The following HEMK2 variants were observed in gnomAD, a reference collection of about 807,000 sequenced individuals.
HEMK2 encodes methyltransferase HEMK2.
the HEMK2 span, among the ~76,000 whole-genome samples, chr21:28,735,108 C>G: frequency 6.6e-6 from 1 of 152,168 alleles, no homozygotes; most frequent in African/African-American, 2.4e-5. Flanking sequence ...TGCCAAGGTT[C>G]CAAGAGAGAG....
At chr21:28,662,273 A>G in the HEMK2 span, among the ~76,000 whole-genome samples, 1 of 152,294 alleles carries the variant, frequency 6.6e-6, no homozygotes, top group East Asian at 1.9e-4. Context: ...GCTGCTGCCA[A>G]GCTGAAGGAA....
chr21:28,652,091 A>C, the HEMK2 span, among the ~76,000 whole-genome samples: 1 of 152,216 alleles, frequency 6.6e-6, no homozygotes, highest in African/African-American at 2.4e-5. Flanking sequence ...AGAATTATTC[A>C]CACCATATTT....
At chr21:28,716,922 A>G in the HEMK2 span, among the ~76,000 whole-genome samples, 1 of 152,124 alleles carries the variant, frequency 6.6e-6, no homozygotes, top group Non-Finnish European at 1.5e-5. Context: ...AATCACATTT[A>G]TTGATTTGTG....
At chr21:28,745,737 C>A in the HEMK2 span, among the ~76,000 whole-genome samples, 1 of 152,160 alleles carries the variant, frequency 6.6e-6, no homozygotes, top group South Asian at 2.1e-4. Context: ...TATAACACAC[C>A]CCTTCCCAAC....
the HEMK2 span, among the ~76,000 whole-genome samples, chr21:28,729,302 G>C: frequency 2.2e-3 from 340 of 152,286 alleles, 2 homozygotes; most frequent in African/African-American, 7.7e-3. Context: ...TCTAGGCCTT[G>C]AATGGGAGGG....
At chr21:28,599,055 C>T in the HEMK2 span, among the ~76,000 whole-genome samples, 1 of 152,182 alleles carries the variant, frequency 6.6e-6, no homozygotes, top group Admixed American at 6.5e-5. Context: ...GTTTAGTCTG[C>T]ACTATGGAGC....
chr21:28,577,054 A>C, the HEMK2 span, among the ~76,000 whole-genome samples: 1 of 152,180 alleles, frequency 6.6e-6, no homozygotes, highest in Non-Finnish European at 1.5e-5. Flanking sequence ...ATTTCTGTGA[A>C]CCATTACCTT....
At chr21:28,613,619 CTTTTTTTTTTTTTTT>C in the HEMK2 span, among the ~76,000 whole-genome samples, 13 of 82,702 alleles carry the variant, frequency 1.6e-4, no homozygotes, top group African/African-American at 6.2e-4. Flanking sequence ...TCTGCATATT[CTTTTTTTTTTTTTTT>C]TTTTTTTTTT....
chr21:28,769,778 A>G, the HEMK2 span, among the ~76,000 whole-genome samples: 1 of 152,116 alleles, frequency 6.6e-6, no homozygotes, highest in Non-Finnish European at 1.5e-5. Flanking sequence ...TATCTTGGAA[A>G]GTTTTAGCTG....
the HEMK2 span, among the ~76,000 whole-genome samples, chr21:28,608,213 C>T: frequency 6.6e-6 from 1 of 152,116 alleles, no homozygotes; most frequent in South Asian, 2.1e-4. Flanking sequence ...GATTGTCTTT[C>T]AGGGCTGAAA....
the HEMK2 span, among the ~76,000 whole-genome samples, chr21:28,791,959 C>G: frequency 6.6e-6 from 1 of 152,202 alleles, no homozygotes; most frequent in Admixed American, 6.5e-5. Flanking sequence ...AAAGAAAGCC[C>G]ACCAAAGATG....
chr21:28,855,305 G>C, the HEMK2 span, among the ~76,000 whole-genome samples: 2 of 152,146 alleles, frequency 1.3e-5, no homozygotes, highest in African/African-American at 4.8e-5. Context: ...TCAACAAGAA[G>C]AGCTAACTGT....
the HEMK2 span, among the ~76,000 whole-genome samples, chr21:28,659,407 C>T: frequency 6.6e-6 from 1 of 152,024 alleles, no homozygotes; most frequent in African/African-American, 2.4e-5. Context: ...ATTTTGATAA[C>T]CATTTTAGCA....
the HEMK2 span, among the ~76,000 whole-genome samples, chr21:28,584,467 G>T: frequency 0.73 from 111,609 of 152,090 alleles, 41,620 homozygotes; most frequent in Middle Eastern, 0.79. Flanking sequence ...AGTTGAAGAA[G>T]TTCTGTTTAT....
the HEMK2 span, among the ~76,000 whole-genome samples, chr21:28,840,864 A>G: frequency 1.3e-4 from 19 of 149,794 alleles, no homozygotes; most frequent in Admixed American, 2.7e-4. Flanking sequence ...ACCCAGAGGA[A>G]AAGAAGTCAT....
At chr21:28,669,580 C>T in the HEMK2 span, among the ~76,000 whole-genome samples, 51 of 152,174 alleles carry the variant, frequency 3.4e-4, no homozygotes, top group Non-Finnish European at 6.0e-4. Flanking sequence ...CCCTCTTGAT[C>T]TGTACCTTGA....
chr21:28,660,881 T>C, the HEMK2 span, among the ~76,000 whole-genome samples: 4 of 152,110 alleles, frequency 2.6e-5, no homozygotes, highest in Admixed American at 6.6e-5. Flanking sequence ...GAAGTTATCT[T>C]TGAACGAAGT....
At chr21:28,714,738 C>T in the HEMK2 span, among the ~76,000 whole-genome samples, 1 of 152,116 alleles carries the variant, frequency 6.6e-6, no homozygotes, top group Non-Finnish European at 1.5e-5. Flanking sequence ...TACAAATGAT[C>T]TCGTCACCCA....
chr21:28,730,313 C>G, the HEMK2 span, among the ~76,000 whole-genome samples: 1 of 151,856 alleles, frequency 6.6e-6, no homozygotes, highest in Non-Finnish European at 1.5e-5. Context: ...CCTGGGAGGT[C>G]AAGGCTGCAG....
Sources: allele counts gnomAD v4.1 joint callset (sites outside exome capture counted in the v4.1 genomes callset), GRCh38; gene constraint gnomAD v4.1.1; transcripts MANE v1.5; gene names NCBI Gene and HGNC (gene_info 2026-07-23, HGNC 2026-07-21).